PCDHA1: variants seen among roughly 807,000 people sequenced by gnomAD.
PCDHA1 encodes protocadherin alpha-1.
In PCDHA1, 42 loss-of-function variants were observed where a neutral mutation model predicts 61.3. The observed-to-expected ratio is 0.69, with a 90% CI of 0.54 to 0.89. PCDHA1 has a LOEUF of 0.89. Among genes scored for constraint, PCDHA1 ranks in the 40% least tolerant of loss-of-function variants. The pLI is 0.00. For synonymous variants in PCDHA1, 610 were observed against 553.8 expected (o/e 1.10, Z -1.43); for missense variants, 1,256 against 1,235.3 (o/e 1.02, Z -0.25).
intron 1 of PCDHA1, chr5:140,850,590 TA>T: frequency 6.3e-7 from 1 of 1,598,434 alleles, no homozygotes; most frequent in Non-Finnish European, 8.6e-7. Flanking sequence ...TGTCAACGTG[TA>T]CCTGATCATC....
rs782605707 is a variant in PCDHA1 at position 140,857,540 on chromosome 5, T to G, written c.2394+68856T>G. The G allele has an allele frequency of 1.6e-4, 262 of 1,596,716 alleles. 26 individuals carry two copies. Among genetic ancestry groups the G allele is most frequent in the Non-Finnish European group, 2.1e-4 (250 of 1,167,578 alleles). ...GTCCTACTCTCTGGTGGAGCGGCGG[T>G]TGGGCGAGCGCTCGCTGTCGAGCTA... On this transcript the variant is annotated intron_variant, in intron 1 of 3. Transcript: ENST00000504120.
intron 1 of PCDHA1, among the ~76,000 whole-genome samples, chr5:140,965,905 G>A (rs76116187): frequency 0.016 from 2,504 of 152,338 alleles, 69 homozygotes; most frequent in African/African-American, 0.056. Context: ...TGGATCCCAG[G>A]ATGCTGGTTT....
chr5:140,853,354 A>G (rs1391288948), intron 1 of PCDHA1: 1 of 982,096 alleles, frequency 1.0e-6, no homozygotes, highest in African/African-American at 1.8e-5. Flanking sequence ...ACATGAACTC[A>G]CAGGGATCCA....
Position 140,786,762 on chromosome 5 carries a change from G to A in PCDHA1, c.472G>A (p.Ala158Thr), listed in dbSNP as rs115744731. 5.0e-5 allele frequency: 80 copies of A among 1,614,226 alleles called. No individual in the cohort carries two copies. The African/African-American group carries it at 8.8e-4, about 18-fold the overall frequency. ...LNSRFPIEGA[A>T]DADIGANALL... ...TTCGCGTTTTCCGATAGAAGGAGCT[G>A]CTGATGCAGACATTGGTGCTAACGC... Residue 158 changes from alanine (A) to threonine (T), a missense_variant, in exon 1 of 4, where the codon GCT becomes ACT. Ala to Thr is a moderately conservative substitution (Grantham distance 58). Coordinates refer to ENST00000504120, the MANE Select transcript of PCDHA1 (RefSeq NM_018900.4).
chr5:140,841,459 C>T, intron 1 of PCDHA1: 2 of 1,612,886 alleles, frequency 1.2e-6, no homozygotes, highest in South Asian at 1.1e-5. Context: ...CCTTCGTGGG[C>T]CGGATCGCGC....
intron 1 of PCDHA1, among the ~76,000 whole-genome samples, chr5:140,952,415 C>T (rs138050953): frequency 7.9e-4 from 120 of 152,134 alleles, no homozygotes; most frequent in Admixed American, 1.6e-3. Context: ...TTTAATGTTC[C>T]GCAGATTCCT....
In PCDHA1 at chr5:140,807,279, TC is replaced by T. The variant is rs782359747; in HGVS notation, c.2394+18597del. 4 of 1,614,094 alleles carry T rather than the reference TC, an allele frequency of 2.5e-6. No homozygotes were observed. The African/African-American group carries it at 5.3e-5, about 22-fold the overall frequency. ...GCCTGGGAGGCAGGGAACGGTCAGCTCCACTACTCGGTCTCCGAGGAGGCCA... is the reference window on the plus strand; with the variant it reads ...GCCTGGGAGGCAGGGAACGGTCAGCTCACTACTCGGTCTCCGAGGAGGCCA... On this transcript the variant is annotated intron_variant, in intron 1 of 3. Coordinates refer to ENST00000504120, the MANE Select transcript of PCDHA1 (RefSeq NM_018900.4).
At chr5:140,842,526 A>G (rs2150338157) in intron 1 of PCDHA1, 11 of 1,613,304 alleles carry the variant, frequency 6.8e-6, no homozygotes, top group African/African-American at 1.3e-5. Flanking sequence ...TCCACCTTCA[A>G]GAATTACTAC....
At chr5:140,835,581 A>G in intron 1 of PCDHA1, 1 of 1,613,870 alleles carries the variant, frequency 6.2e-7, no homozygotes, top group Non-Finnish European at 8.5e-7. Flanking sequence ...GTTGGTGTCC[A>G]CCTTCAAGAA....
chr5:140,897,947 T>G (rs1276045551), intron 1 of PCDHA1, among the ~76,000 whole-genome samples: 14 of 152,168 alleles, frequency 9.2e-5, no homozygotes, highest in African/African-American at 3.4e-4. Context: ...CAGTGATGAT[T>G]AGCATTTTTT....
At chr5:140,882,491 C>T (rs782462724) in intron 1 of PCDHA1, 1 of 1,614,078 alleles carries the variant, frequency 6.2e-7, no homozygotes, top group South Asian at 1.1e-5. Flanking sequence ...CGGGGACCTT[C>T]TGGAGGTAAA....
At chr5:141,000,385 CTCTCTCTCTCTATA>C (rs1173975015) in intron 3 of PCDHA1, among the ~76,000 whole-genome samples, 30 of 64,968 alleles carry the variant, frequency 4.6e-4, no homozygotes, top group African/African-American at 1.8e-3. Context: ...CTCTCTCTCT[CTCTCTCTCTCTATA>C]TATATATATA....
intron 1 of PCDHA1, chr5:140,841,554 G>A (rs2150318076): frequency 0.54 from 859,933 of 1,603,294 alleles, 234,437 homozygotes; most frequent in African/African-American, 0.71. Context: ...CTGGAGGTAA[G>A]TCTGCAGAAT....
At chr5:140,842,432 C>T (rs2150336082) in intron 1 of PCDHA1, 2 of 1,613,656 alleles carry the variant, frequency 1.2e-6, no homozygotes, top group Non-Finnish European at 1.7e-6. Context: ...TGTCATCGCC[C>T]TAATTAGCGT....
At chr5:140,872,232 G>A (rs2053558420) in intron 1 of PCDHA1, among the ~76,000 whole-genome samples, 1 of 149,716 alleles carries the variant, frequency 6.7e-6, no homozygotes, top group South Asian at 2.1e-4. Flanking sequence ...CTTTACTTTT[G>A]TCTTTATTCC....
chr5:140,895,670 G>A (rs551602030), intron 1 of PCDHA1, among the ~76,000 whole-genome samples: 2 of 152,132 alleles, frequency 1.3e-5, no homozygotes, highest in African/African-American at 2.4e-5. Context: ...AGAACATGTA[G>A]TATTTGGTTT....
At chr5:140,831,492 T>TGGG (rs1554133281) in intron 1 of PCDHA1, among the ~76,000 whole-genome samples, 1 of 147,590 alleles carries the variant, frequency 6.8e-6, no homozygotes, top group East Asian at 2.0e-4. Flanking sequence ...CTGGAGTTAC[T>TGGG]ACACACGAGC....
Position 140,818,967 on chromosome 5 carries a change from A to T in PCDHA1, c.2394+30283A>T, listed in dbSNP as rs2150102814. On this transcript the variant is annotated intron_variant, in intron 1 of 3. Transcript: ENST00000504120. Reference sequence around the variant, plus strand: ...CATTGATATTCACTATCTCAGGGATATGTTAGAACTATTCTCATATTTTCT... The same window carrying T: ...CATTGATATTCACTATCTCAGGGATTTGTTAGAACTATTCTCATATTTTCT... Among the ~76,000 whole-genome samples, 9 of 152,370 alleles carry T rather than the reference A, an allele frequency of 5.9e-5. No homozygotes were observed. The East Asian group carries it at 1.7e-3, about 29-fold the overall frequency.
chr5:140,823,018 G>C (rs1386534416), intron 1 of PCDHA1: 1 of 1,614,236 alleles, frequency 6.2e-7, no homozygotes, highest in Non-Finnish European at 8.5e-7. Context: ...CCTGGACCGC[G>C]AGAGCGTGTC....
Sources: gnomAD v4.1 joint callset for allele counts (sites outside exome capture counted in the v4.1 genomes callset) on GRCh38, gnomAD v4.1.1 for gene constraint, MANE v1.5 for transcripts, NCBI Gene and HGNC (gene_info 2026-07-23, HGNC 2026-07-21) for gene names.